PRKN: variants seen among roughly 807,000 people sequenced by gnomAD.
PRKN encodes parkin RBR E3 ubiquitin protein ligase, also known as E3 ubiquitin-protein ligase parkin.
Under a neutral mutation model 59.5 loss-of-function variants are expected in PRKN, and 56 were observed. The observed-to-expected ratio is 0.94, with a 90% CI of 0.76 to 1.18. The LOEUF is 1.18. Among genes scored for constraint, PRKN ranks in the 50% most tolerant of loss-of-function variants. PRKN has a pLI of 0.00. For synonymous variants in PRKN, 250 were observed against 222.1 expected, an observed-to-expected ratio of 1.13 and a Z score of -1.12; for missense variants, 657 against 596.4, an observed-to-expected ratio of 1.10 and a Z score of -1.06.
At chr6:161,770,259 C>T (rs954720390) in intron 7 of PRKN, among the ~76,000 whole-genome samples, 7 of 151,990 alleles carry the variant, frequency 4.6e-5, no homozygotes, top group East Asian at 1.9e-4. Flanking sequence ...GTAGCTTAAC[C>T]GCAGGGAGCA....
intron 7 of PRKN, among the ~76,000 whole-genome samples, chr6:161,689,228 A>G: frequency 8.1e-6 from 1 of 123,164 alleles, no homozygotes; most frequent in Admixed American, 8.2e-5. Flanking sequence ...ACACACACAC[A>G]CACACAAAGT....
intron 1 of PRKN, among the ~76,000 whole-genome samples, chr6:162,563,305 A>C (rs1042269019): frequency 8.4e-4 from 72 of 85,644 alleles, no homozygotes; most frequent in African/African-American, 3.5e-3. Flanking sequence ...CTCCATCTTA[A>C]AAAACAAAAA....
chr6:162,566,067 C>T (rs569030241), intron 1 of PRKN, among the ~76,000 whole-genome samples: 47 of 152,090 alleles, frequency 3.1e-4, no homozygotes, highest in African/African-American at 1.1e-3. Flanking sequence ...AACACTGGAG[C>T]ACCCAGATAT....
intron 7 of PRKN, among the ~76,000 whole-genome samples, chr6:161,714,344 C>G (rs1786878730): frequency 1.3e-5 from 2 of 152,122 alleles, no homozygotes; most frequent in Admixed American, 6.5e-5. Context: ...TGTGATTAGG[C>G]CACGAGGGCT....
intron 2 of PRKN, among the ~76,000 whole-genome samples, chr6:162,428,478 C>T (rs1317295338): frequency 1.3e-5 from 2 of 152,110 alleles, no homozygotes; most frequent in Admixed American, 6.5e-5. Flanking sequence ...TTATTTGAAA[C>T]CTTAAACCTC....
At chr6:162,610,617 A>C (rs1014931980) in intron 1 of PRKN, among the ~76,000 whole-genome samples, 7 of 152,140 alleles carry the variant, frequency 4.6e-5, no homozygotes, top group African/African-American at 1.4e-4. Context: ...ATCCTAAGGC[A>C]TTTGATGCCC....
At chr6:162,719,909 A>AC (rs1778869722) in intron 1 of PRKN, among the ~76,000 whole-genome samples, 2 of 147,382 alleles carry the variant, frequency 1.4e-5, no homozygotes, top group African/African-American at 5.0e-5. Context: ...AAAAAAAAAA[A>AC]AAAAAAAAAA....
chr6:161,558,867 C>T lies in PRKN; in HGVS notation c.934-9864G>A, dbSNP rs147629685. 3.1e-3 allele frequency among the ~76,000 whole-genome samples: 476 copies of T among 151,734 alleles called. 5 individuals are homozygous for T. The highest frequency in any genetic ancestry group is 0.011 in the African/African-American group (444 of 41,426). ...ATCTGTGACAGCCTAAGTGGTGGCC[C>T]CCATGACCCTGCTGTTTTTCTTCTC... On this transcript the variant is annotated intron_variant, in intron 8 of 11. Transcript: ENST00000366898.
intron 3 of PRKN, among the ~76,000 whole-genome samples, chr6:162,253,871 C>T (rs183062103): frequency 1.1e-3 from 164 of 152,086 alleles, no homozygotes; most frequent in Admixed American, 2.0e-3. Flanking sequence ...CAATAAGCAG[C>T]TTTTTAAAAT....
chr6:161,743,955 C>G (rs1021122484), intron 7 of PRKN, among the ~76,000 whole-genome samples: 1 of 152,082 alleles, frequency 6.6e-6, no homozygotes, highest in East Asian at 1.9e-4. Context: ...CCAAACTGTT[C>G]CACGGAGCCC....
intron 8 of PRKN, among the ~76,000 whole-genome samples, chr6:161,568,787 T>C (rs1562531026): frequency 6.6e-6 from 1 of 152,086 alleles, no homozygotes; most frequent in Non-Finnish European, 1.5e-5. Context: ...ATATATAATA[T>C]TTAGCACCCT....
intron 9 of PRKN, among the ~76,000 whole-genome samples, chr6:161,508,483 C>T (rs2115324315): frequency 6.6e-6 from 1 of 152,290 alleles, no homozygotes; most frequent in African/African-American, 2.4e-5. Flanking sequence ...GTCCTTATGG[C>T]TCCATTACAC....
At chr6:162,577,524 C>T (rs1283530500) in intron 1 of PRKN, among the ~76,000 whole-genome samples, 1 of 151,942 alleles carries the variant, frequency 6.6e-6, no homozygotes, top group African/African-American at 2.4e-5. Flanking sequence ...TGCTTGAACC[C>T]GGGAGGCGGG....
chr6:161,612,638 T>C (rs1346910740), intron 7 of PRKN, among the ~76,000 whole-genome samples: 2 of 150,312 alleles, frequency 1.3e-5, no homozygotes, highest in Non-Finnish European at 2.9e-5. Flanking sequence ...GGAGAATTGC[T>C]TGAACCTGGG....
In PRKN at chr6:161,636,098, C is replaced by T. The variant is rs537112849; in HGVS notation, c.872-66682G>A. Reference sequence around the variant, plus strand: ...AGTCTCCCAGGCACTATGAGCAGGCCGTTGTGCTGAGGGCAGCACAGAGCT... The same window carrying T: ...AGTCTCCCAGGCACTATGAGCAGGCTGTTGTGCTGAGGGCAGCACAGAGCT... On this transcript the variant is annotated intron_variant, in intron 7 of 11. Coordinates refer to ENST00000366898, the MANE Select transcript of PRKN (RefSeq NM_004562.3). Among the ~76,000 whole-genome samples the T allele has an allele frequency of 4.6e-5, 7 of 152,318 alleles. No individual in the cohort carries two copies. In the East Asian group the frequency reaches 5.8e-4, roughly 13 times the overall value.
chr6:162,452,113 C>CA (rs1183201370), intron 1 of PRKN, among the ~76,000 whole-genome samples: 1 of 151,730 alleles, frequency 6.6e-6, no homozygotes, highest in East Asian at 1.9e-4. Context: ...AAACAAAAAG[C>CA]AAAAAATGCT....
rs1035482995 is a variant in PRKN at position 161,550,877 on chromosome 6, G to C, written c.934-1874C>G. ...TAATTGAATAAATAAGTGTAGTTTA[G>C]GAGAAAGGCATGGGTCCTGGGTACA... On this transcript the variant is annotated intron_variant, in intron 8 of 11. Coordinates refer to ENST00000366898, the MANE Select transcript of PRKN (RefSeq NM_004562.3). This position sits in a 1 kb window ranked among gnomAD's most constrained non-coding sequence, Gnocchi z 4.0. 6.6e-6 allele frequency among the ~76,000 whole-genome samples: 1 copy of C among 152,036 alleles called. No individual in the cohort carries two copies. Among genetic ancestry groups the C allele is most frequent in the Non-Finnish European group, 1.5e-5 (1 of 68,014 alleles).
intron 9 of PRKN, among the ~76,000 whole-genome samples, chr6:161,539,532 C>T (rs1779543323): frequency 7.2e-6 from 1 of 138,036 alleles, no homozygotes; most frequent in South Asian, 2.6e-4. Context: ...AAACACTTTG[C>T]CTAAAAAGGT....
At chr6:162,570,356 T>C (rs749492796) in intron 1 of PRKN, among the ~76,000 whole-genome samples, 4 of 152,142 alleles carry the variant, frequency 2.6e-5, no homozygotes, top group Non-Finnish European at 4.4e-5. Flanking sequence ...ATACTGTTGG[T>C]GAAAATGTAA....
Sources: gnomAD v4.1 joint callset for allele counts (sites outside exome capture counted in the v4.1 genomes callset) on GRCh38, gnomAD v4.1.1 for gene constraint, Gnocchi (gnomAD v3.1) non-coding constraint, MANE v1.5 for transcripts, NCBI Gene and HGNC (gene_info 2026-07-23, HGNC 2026-07-21) for gene names.